The following DSCAM variants were observed in gnomAD, a reference collection of about 807,000 sequenced individuals.
The protein encoded by DSCAM is DS cell adhesion molecule.
A neutral mutation model predicts 217.7 loss-of-function variants in DSCAM; 47 were observed. The observed-to-expected ratio is 0.22, with a 90% CI of 0.17 to 0.28. DSCAM has a LOEUF of 0.28. Among genes scored for constraint, DSCAM ranks in the 10% least tolerant of loss-of-function variants. The probability of loss-of-function intolerance (pLI) is 1.00; values close to 1 mark genes in which losing one functional copy is unlikely to be tolerated. For synonymous variants in DSCAM, 1,056 were observed against 1,015.3 expected, an observed-to-expected ratio of 1.04 and a Z score of -0.76; for missense variants, 2,080 against 2,618.3, an observed-to-expected ratio of 0.79 and a Z score of 4.49.
At chr21:40,649,443 A>G (rs2837761) in intron 3 of DSCAM, among the ~76,000 whole-genome samples, 58,055 of 152,048 alleles carry the variant, frequency 0.38, 11,913 homozygotes, top group East Asian at 0.6. Context: ...GTCTCAAGTA[A>G]ACTATTTCTG....
chr21:40,751,794 TA>T (rs966504633), intron 1 of DSCAM, among the ~76,000 whole-genome samples: 7 of 152,058 alleles, frequency 4.6e-5, no homozygotes, highest in East Asian at 1.9e-4. Context: ...ATATTTTGTG[TA>T]AAAAAAATTA....
chr21:40,422,337 T>A (rs192345598), intron 3 of DSCAM, among the ~76,000 whole-genome samples: 2 of 152,316 alleles, frequency 1.3e-5, no homozygotes, highest in Admixed American at 1.3e-4. Flanking sequence ...AGCTTTGTTT[T>A]AAAAGTTGGT....
chr21:40,139,563 G>A (rs961036155), intron 18 of DSCAM, among the ~76,000 whole-genome samples: 2 of 152,022 alleles, frequency 1.3e-5, no homozygotes, highest in Non-Finnish European at 2.9e-5. Flanking sequence ...TAGAATGGGA[G>A]GCAGGTTGGC....
chr21:40,192,947 GGAA>G (rs2090967877), intron 11 of DSCAM, among the ~76,000 whole-genome samples: 3 of 152,118 alleles, frequency 2.0e-5, no homozygotes. Context: ...TCCTAGAAGT[GGAA>G]CTACTGGGTT....
chr21:40,158,356 C>T (rs555315590), intron 16 of DSCAM, among the ~76,000 whole-genome samples: 8 of 152,234 alleles, frequency 5.3e-5, no homozygotes, highest in African/African-American at 1.9e-4. Flanking sequence ...TGCCACTACA[C>T]TGCATTCAGC....
chr21:40,417,221 C>T (rs1268529946), intron 3 of DSCAM, among the ~76,000 whole-genome samples: 1 of 151,956 alleles, frequency 6.6e-6, no homozygotes, highest in Non-Finnish European at 1.5e-5. Flanking sequence ...TATAATATTT[C>T]ATACAGATTT....
intron 20 of DSCAM, among the ~76,000 whole-genome samples, chr21:40,115,908 G>C (rs1291099894): frequency 6.6e-6 from 1 of 152,172 alleles, no homozygotes; most frequent in African/African-American, 2.4e-5. Context: ...CAATCTAAAT[G>C]CCCATCAATG....
At chr21:40,600,610 C>T (rs2077055022) in intron 3 of DSCAM, among the ~76,000 whole-genome samples, 1 of 152,140 alleles carries the variant, frequency 6.6e-6, no homozygotes, top group African/African-American at 2.4e-5. Context: ...CCAAGGTTAC[C>T]TAGACTTCCT....
At chr21:40,307,209 T>C (rs2074087748) in intron 9 of DSCAM, among the ~76,000 whole-genome samples, 1 of 150,326 alleles carries the variant, frequency 6.7e-6, no homozygotes, top group Admixed American at 6.6e-5. Flanking sequence ...ATATCCAGAA[T>C]CTACAATGAA....
chr21:40,061,295 G>A lies in DSCAM; in HGVS notation c.4919+1574C>T, dbSNP rs141655945. ...AAATGTATTTTAGAGTTATCCTTCC[G>A]TGGTGGCTCATGCCTGTAATCCCAG... is the stretch of plus-strand genomic sequence containing the variant. On this transcript the variant is annotated intron_variant, in intron 28 of 32. Transcript: ENST00000400454. Among the ~76,000 whole-genome samples the A allele has an allele frequency of 1.0e-3, 153 of 152,250 alleles. 3 individuals carry two copies. The East Asian group carries it at 0.024, about 24-fold the overall frequency.
intron 2 of DSCAM, among the ~76,000 whole-genome samples, chr21:40,696,810 T>C (rs993912239): frequency 3.3e-5 from 5 of 152,180 alleles, no homozygotes; most frequent in African/African-American, 1.2e-4. Flanking sequence ...TTGTACATAT[T>C]CTGGGGTACA....
chr21:40,117,450 A>C (rs115486151), intron 20 of DSCAM, among the ~76,000 whole-genome samples: 1 of 152,268 alleles, frequency 6.6e-6, no homozygotes, highest in South Asian at 2.1e-4. Context: ...TGCAGATCCC[A>C]TCTTCCTTTG....
intron 11 of DSCAM, among the ~76,000 whole-genome samples, chr21:40,199,869 A>G (rs2091051978): frequency 6.6e-6 from 1 of 152,166 alleles, no homozygotes. Flanking sequence ...GCAGCAAACC[A>G]CCATGGCACA....
chr21:40,028,591 G>A (rs34839605), intron 32 of DSCAM, among the ~76,000 whole-genome samples: 30,537 of 152,058 alleles, frequency 0.2, 3,286 homozygotes, highest in South Asian at 0.35. Context: ...CACAGTATTC[G>A]GGTGGGAGTG....
chr21:40,349,436 TTTCAA>T (rs2074605295), intron 5 of DSCAM, among the ~76,000 whole-genome samples: 1 of 152,182 alleles, frequency 6.6e-6, no homozygotes, highest in South Asian at 2.1e-4. Context: ...CTTGCTATGT[TTTCAA>T]TTCAACAACC....
Position 40,339,099 on chromosome 21 carries a change from G to A in DSCAM, c.1507+20C>T, listed in dbSNP as rs2074459904. ...TAATGAGTTATGTGTGTTTTTTTGA[G>A]GAGCTGATTTGACAAGCACCTCTTA... On this transcript the variant is annotated intron_variant, in intron 7 of 32. Transcript: ENST00000400454. The A allele has an allele frequency of 1.2e-6, 2 of 1,609,714 alleles. No homozygotes were observed. The highest frequency in any genetic ancestry group is 8.5e-7 in the Non-Finnish European group (1 of 1,178,214).
At chr21:40,730,648 TAA>T (rs1601183987) in intron 1 of DSCAM, among the ~76,000 whole-genome samples, 2 of 151,794 alleles carry the variant, frequency 1.3e-5, no homozygotes, top group African/African-American at 4.8e-5. Flanking sequence ...GCTGTCTCTA[TAA>T]GAGGCCACCT....
At chr21:40,711,238 C>T (rs931994803) in intron 1 of DSCAM, among the ~76,000 whole-genome samples, 4 of 152,062 alleles carry the variant, frequency 2.6e-5, no homozygotes, top group South Asian at 2.1e-4. Flanking sequence ...AGTCTTTCTC[C>T]GTGGTGTGGA....
chr21:40,364,187 C>A (rs2074801264), intron 4 of DSCAM, among the ~76,000 whole-genome samples: 1 of 152,012 alleles, frequency 6.6e-6, no homozygotes, highest in African/African-American at 2.4e-5. Flanking sequence ...GGTATATACC[C>A]AAAGTAATAT....
Sources: allele counts gnomAD v4.1 joint callset (sites outside exome capture counted in the v4.1 genomes callset), GRCh38; gene constraint gnomAD v4.1.1; transcripts MANE v1.5; gene names NCBI Gene and HGNC (gene_info 2026-07-23, HGNC 2026-07-21).